Variants in RIF1 observed in about 807,000 individuals in gnomAD.
RIF1 encodes the protein telomere-associated protein RIF1.
RIF1 carries 45 observed loss-of-function variants against 247.1 expected under a neutral mutation model. The ratio of observed to expected loss-of-function variants is 0.18; its 90% CI spans 0.14 to 0.23. RIF1 has a LOEUF of 0.23. Ranked by LOEUF, RIF1 falls within the 10% of genes least tolerant of loss-of-function variation. The probability of loss-of-function intolerance (pLI) is 1.00; values close to 1 mark genes in which losing one functional copy is unlikely to be tolerated. For synonymous variants in RIF1, 1,087 were observed against 978.8 expected (o/e 1.11, Z -2.06); for missense variants, 2,967 against 2,862.5 (o/e 1.04, Z -0.83).
rs2065684684 is a variant in RIF1, at chr2:151,502,746, TAAATA to T, written c.*710-283_*710-279del. ...TTACATTTGTAAGGTGTTATTATTT[TAAATA>T]AAATTAAGGGATTTTTTTTTTTTTG... On this transcript the variant is annotated intron_variant and NMD_transcript_variant, in intron 11 of 13. Transcript: ENST00000454583. The T allele has an allele frequency of 8.7e-6, 9 of 1,034,346 alleles. No homozygotes were observed. In the East Asian group the frequency reaches 2.3e-4, roughly 26 times the overall value. 64.1% of individuals were successfully genotyped at this position (1,034,346 alleles called of 1,614,324 possible). A position where few individuals can be genotyped will look rare whatever the true frequency, so the allele number is the denominator to read the frequency against.
chr2:151,471,835 A>T (rs549884985), intron 34 of RIF1, among the ~76,000 whole-genome samples: 1 of 152,196 alleles, frequency 6.6e-6, no homozygotes, highest in South Asian at 2.1e-4. Flanking sequence ...TTTGCTTCTG[A>T]TTGACTTGGC....
At position 151,465,301 on chromosome 2, in the gene RIF1, T is replaced by C. The variant is rs1480438887; in HGVS notation, c.5781T>C (p.Phe1927=). 6.2e-7 allele frequency: 1 copy of C among 1,612,748 alleles called. No individual in the cohort carries two copies. Among genetic ancestry groups the C allele is most frequent in the Non-Finnish European group, 8.5e-7 (1 of 1,179,724 alleles). Residue 1927 remains phenylalanine (F), a synonymous_variant, in exon 30 of 36, where the codon TTT becomes TTC. Transcript: ENST00000444746. ...MELNVGNEAS[F]HGQERTKTGI... is the part of the protein sequence containing the mutation. ...TGAATGTAGGAAATGAAGCTAGCTT[T>C]CATGGACAAGAGAGAACCAAAACTG...
chr2:151,414,593 A>C (rs554097618), intron 3 of RIF1, among the ~76,000 whole-genome samples: 134 of 152,296 alleles, frequency 8.8e-4, no homozygotes, highest in African/African-American at 3.1e-3. Context: ...GATATCCTTT[A>C]TCTTCATTCA....
rs777736777 is a variant in RIF1 at position 151,464,338 on chromosome 2, A to C, written c.4818A>C (p.Ala1606=). The C allele has an allele frequency of 4.3e-6, 7 of 1,610,560 alleles. No homozygotes were observed. The highest frequency in any genetic ancestry group is 3.4e-6 in the Non-Finnish European group (4 of 1,179,138). Reference sequence around the variant, plus strand: ...AAAATCAGTCACATGATTATAAAGCAACTTCTGAAGAAGATGTAAGCATAA... The same window carrying C: ...AAAATCAGTCACATGATTATAAAGCCACTTCTGAAGAAGATGTAAGCATAA... ...KAENQSHDYK[A]TSEEDVSIKS... is the part of the protein sequence containing the mutation. Residue 1606 remains alanine (A), a synonymous_variant, in exon 30 of 36, where the codon GCA becomes GCC. Transcript: ENST00000444746.
At chr2:151,506,376 G>C (rs771031318) in intron 13 of RIF1, 2 of 746,810 alleles carry the variant, frequency 2.7e-6, no homozygotes, top group Non-Finnish European at 4.6e-6. Context: ...ATGTTCCCAG[G>C]CAAGTGCCAG....
At chr2:151,427,840 T>C (rs907736805) in intron 8 of RIF1, among the ~76,000 whole-genome samples, 1 of 151,902 alleles carries the variant, frequency 6.6e-6, no homozygotes, top group Admixed American at 6.6e-5. Context: ...CGAGGTGGAC[T>C]GAGTTCAGGA....
the RIF1 span, chr2:151,525,155 A>G: frequency 6.2e-7 from 1 of 1,603,864 alleles, no homozygotes; most frequent in Non-Finnish European, 8.5e-7. Flanking sequence ...TTGAGAGGGA[A>G]AACTTACATC....
At chr2:151,507,903 G>T in exon 14 of RIF1, 1 of 771,138 alleles carries the variant, frequency 1.3e-6, no homozygotes, top group Non-Finnish European at 2.3e-6. Flanking sequence ...AGTTGTGGAG[G>T]GCTGCACAAC....
At chr2:151,492,556 C>G in intron 9 of RIF1, 1 of 1,279,490 alleles carries the variant, frequency 7.8e-7, no homozygotes, top group Non-Finnish European at 1.1e-6. Flanking sequence ...CAAAGCCTTT[C>G]CAGCAGATAG....
intron 9 of RIF1, chr2:151,491,324 G>C (rs1265109738): frequency 1.6e-5 from 3 of 186,344 alleles, no homozygotes; most frequent in African/African-American, 4.7e-5. Context: ...CTTCCTTGAT[G>C]CAATAGAGCT....
chr2:151,467,081 T>C (rs952474153), intron 30 of RIF1, among the ~76,000 whole-genome samples: 4 of 151,768 alleles, frequency 2.6e-5, no homozygotes, highest in African/African-American at 7.3e-5. Context: ...ATACAAAAAT[T>C]AGCTGGGCCT....
chr2:151,468,676 A>G lies in RIF1; in HGVS notation c.6861A>G (p.Pro2287=), dbSNP rs141547122. Residue 2287 remains proline (P), a synonymous_variant, in exon 33 of 36, where the codon CCA becomes CCG. Transcript: ENST00000444746. ...SEMAKESIPC[P]TESVYPPLVN... ...TGGCCAAAGAATCCATACCATGCCC[A>G]ACAGAAAGTGTTTACCCACCATTGG... 1 of 1,614,088 alleles carries G rather than the reference A, an allele frequency of 6.2e-7. No individual in the cohort carries two copies. The highest frequency in any genetic ancestry group is 8.5e-7 in the Non-Finnish European group (1 of 1,179,924).
In RIF1 at chr2:151,503,276, C is replaced by G. The variant is rs1260571297; in HGVS notation, c.*861+91C>G. On this transcript the variant is annotated intron_variant and NMD_transcript_variant, in intron 12 of 13. Transcript: ENST00000454583. ...AGAATTGCTGTTAAGATGTTACTTT[C>G]TTTAAAAAAGATGGGTTATTGTGGT... 2.6e-6 allele frequency: 3 copies of G among 1,146,072 alleles called. No individual in the cohort carries two copies. The African/African-American group carries it at 4.7e-5, about 18-fold the overall frequency. 71.0% of individuals were successfully genotyped at this position (1,146,072 alleles called of 1,614,324 possible).
In RIF1 at chr2:151,465,457, TAC is replaced by T; in HGVS notation, c.5940_5941del (p.Pro1981CysfsTer8). On this transcript the variant is annotated frameshift_variant, in exon 30 of 36. Transcript: ENST00000444746. LOFTEE classifies it high-confidence loss of function. ...NSDISLSDNTTPVKLNAQTEI... is the reference protein window; with the variant it reads ...NSDISLSDNTXPVKLNAQTEI... ...CAGATATTAGTCTTTCTGATAATAC[TAC>T]ACCTGTAAAATTGAATGCTCAAACT... 6.2e-7 allele frequency: 1 copy of T among 1,614,102 alleles called. No homozygotes were observed. The highest frequency in any genetic ancestry group is 8.5e-7 in the Non-Finnish European group (1 of 1,179,986).
In RIF1 at chr2:151,476,478, A is replaced by G. The variant is rs2048934706; in HGVS notation, c.*1407A>G. 1.3e-5 allele frequency: 2 copies of G among 152,168 alleles called. No homozygotes were observed. The highest frequency in any genetic ancestry group is 1.3e-4 in the Admixed American group (2 of 15,276). 9.4% of individuals were successfully genotyped at this position (152,168 alleles called of 1,614,324 possible). A position where few individuals can be genotyped will look rare whatever the true frequency, so the allele number is the denominator to read the frequency against. On this transcript the variant is annotated 3_prime_UTR_variant, in exon 36 of 36. Coordinates refer to ENST00000444746, the MANE Select transcript of RIF1 (RefSeq NM_018151.5). ...AGTTTTCACATTTTATTCAGAAGCT[A>G]ATCCCTACTTAGCAAGGCACACATT...
At chr2:151,493,839 G>A in intron 9 of RIF1, 1 of 1,579,972 alleles carries the variant, frequency 6.3e-7, no homozygotes, top group Non-Finnish European at 8.6e-7. Flanking sequence ...TGTGGGGGTT[G>A]CTTTCCCCAG....
chr2:151,493,891 G>A (rs528660946), intron 9 of RIF1: 39 of 1,428,398 alleles, frequency 2.7e-5, no homozygotes, highest in East Asian at 2.2e-4. Flanking sequence ...AGTCATGCCC[G>A]AAAGTCACTA....
Position 151,463,770 on chromosome 2 carries a change from C to T in RIF1, c.4250C>T (p.Ser1417Phe). ...ITPNQKTLRR[S>F]SRRRSEVVES... ...CCAAATCAGAAAACCCTTAGACGGT[C>T]TTCAAGGCGACGTTCAGAAGTAGTA... The change falls in exon 30 of 36, where the codon TCT (serine) becomes TTT (phenylalanine). Residue 1417 changes from serine to phenylalanine, a missense_variant. By Grantham distance (155) the Ser-to-Phe change is radical (BLOSUM62 -2). Coordinates refer to ENST00000444746, the MANE Select transcript of RIF1 (RefSeq NM_018151.5). The T allele has an allele frequency of 6.2e-7, 1 of 1,613,794 alleles. No individual in the cohort carries two copies. The highest frequency in any genetic ancestry group is 8.5e-7 in the Non-Finnish European group (1 of 1,179,968).
chr2:151,530,777 C>G, the RIF1 span: 1 of 404,890 alleles, frequency 2.5e-6, no homozygotes, highest in South Asian at 6.4e-5. Context: ...CCTGGCTTGA[C>G]TGAGCCCCAG....
Sources: allele counts gnomAD v4.1 joint callset (sites outside exome capture counted in the v4.1 genomes callset), GRCh38; gene constraint gnomAD v4.1.1; transcripts MANE v1.5; gene names NCBI Gene and HGNC (gene_info 2026-07-23, HGNC 2026-07-21).